Variants in VPS45 observed in about 807,000 individuals in gnomAD.
The protein encoded by VPS45 is vacuolar protein sorting 45 homolog, also known as vacuolar protein sorting-associated protein 45.
In VPS45, 35 loss-of-function variants were observed where a neutral mutation model predicts 75.9. The ratio of observed to expected loss-of-function variants is 0.46; its 90% CI spans 0.35 to 0.61. The LOEUF (loss-of-function observed/expected upper bound fraction) is 0.61, where lower values mean the gene tolerates loss of function less well. Ranked by LOEUF, VPS45 falls within the 20% of genes least tolerant of loss-of-function variation. The probability of loss-of-function intolerance (pLI) is 0.00; values close to 1 mark genes in which losing one functional copy is unlikely to be tolerated. For synonymous variants in VPS45, 220 were observed against 238.2 expected (o/e 0.92, Z 0.70); for missense variants, 559 against 685.9 (o/e 0.81, Z 2.07).
chr1:150,124,329 T>C (rs1553810219), intron 14 of VPS45, among the ~76,000 whole-genome samples: 2 of 151,896 alleles, frequency 1.3e-5, no homozygotes, highest in South Asian at 2.1e-4. Flanking sequence ...CGTGGTGGCG[T>C]GCACATGTAG....
At chr1:150,080,748 T>G (rs1655659720) in intron 7 of VPS45, among the ~76,000 whole-genome samples, 1 of 152,206 alleles carries the variant, frequency 6.6e-6, no homozygotes, top group African/African-American at 2.4e-5. Context: ...ACCAAATAAA[T>G]TCTCAATTTG....
chr1:150,075,967 T>C (rs1655350999), intron 3 of VPS45, among the ~76,000 whole-genome samples: 1 of 151,500 alleles, frequency 6.6e-6, no homozygotes, highest in African/African-American at 2.4e-5. Flanking sequence ...TTAGCCAGGA[T>C]GGTCTCGATC....
chr1:150,095,697 AAG>A (rs1204792029), intron 13 of VPS45, among the ~76,000 whole-genome samples: 1 of 152,084 alleles, frequency 6.6e-6, no homozygotes, highest in Non-Finnish European at 1.5e-5. Flanking sequence ...GTCTTGAAGA[AAG>A]AGAGAATTTG....
At chr1:150,144,012 T>C (rs782150181) in intron 14 of VPS45, among the ~76,000 whole-genome samples, 1 of 152,226 alleles carries the variant, frequency 6.6e-6, no homozygotes. Context: ...GGGCACATTA[T>C]GAAAGGCCTT....
intron 13 of VPS45, among the ~76,000 whole-genome samples, chr1:150,104,182 C>T (rs868984639): frequency 9.2e-5 from 14 of 152,250 alleles, no homozygotes; most frequent in Middle Eastern, 3.4e-3. Flanking sequence ...CTTCCTTCTT[C>T]CCCTCTTTTG....
At chr1:150,122,117 T>C (rs932189999) in intron 14 of VPS45, among the ~76,000 whole-genome samples, 1 of 152,024 alleles carries the variant, frequency 6.6e-6, no homozygotes, top group Admixed American at 6.6e-5. Context: ...GGTCAAGAGT[T>C]CAAGACTAGT....
At chr1:150,077,611 TATC>T in intron 6 of VPS45, 55 bp from the exon 7 acceptor site, 2 of 1,179,750 alleles carry the variant, frequency 1.7e-6, no homozygotes, top group Non-Finnish European at 2.5e-6. Flanking sequence ...TTCCTATTTA[TATC>T]ATTTCTATAT....
At chr1:150,094,811 C>A (rs1656530413) in intron 13 of VPS45, among the ~76,000 whole-genome samples, 1 of 152,060 alleles carries the variant, frequency 6.6e-6, no homozygotes, top group Non-Finnish European at 1.5e-5. Context: ...AATTACTGAA[C>A]AAGGAATTAT....
chr1:150,121,697 A>G (rs150637941), intron 14 of VPS45, among the ~76,000 whole-genome samples: 6 of 152,216 alleles, frequency 3.9e-5, no homozygotes, highest in African/African-American at 7.2e-5. Context: ...CAGGAGTTCT[A>G]GTTATGAGTT....
At chr1:150,081,502 T>A (rs1553799368) in intron 8 of VPS45, 26 bp downstream of exon 8, 1 of 1,586,824 alleles carries the variant, frequency 6.3e-7, no homozygotes, top group South Asian at 1.2e-5. Context: ...TTTTTTAAAT[T>A]GTCTTTAGTT....
At chr1:150,071,894 G>A (rs1408318163) in intron 2 of VPS45, among the ~76,000 whole-genome samples, 2 of 151,654 alleles carry the variant, frequency 1.3e-5, no homozygotes, top group Non-Finnish European at 2.9e-5. Flanking sequence ...TTCAACATCT[G>A]TGTCCTTTAT....
intron 14 of VPS45, among the ~76,000 whole-genome samples, chr1:150,133,650 C>T (rs1015576661): frequency 2.5e-4 from 38 of 152,194 alleles, no homozygotes; most frequent in Non-Finnish European, 2.4e-4. Context: ...TAATAGTGTT[C>T]ACCATGCTGC....
intron 3 of VPS45, among the ~76,000 whole-genome samples, chr1:150,073,095 A>T (rs932206440): frequency 2.0e-5 from 3 of 152,156 alleles, no homozygotes; most frequent in Non-Finnish European, 4.4e-5. Context: ...GTTTGTGTTT[A>T]CTATACAATT....
At position 150,129,552 on chromosome 1, in the gene VPS45, A is replaced by T. The variant is rs587595965; in HGVS notation, c.1626-15157A>T. On this transcript the variant is annotated intron_variant, in intron 14 of 14. Transcript: ENST00000644510. ...CTATGAATGTATACACATTTTTTTT[A>T]ATTTTATTTATTTATTTATTTATTT... Among the ~76,000 whole-genome samples the T allele has an allele frequency of 4.2e-4, 64 of 151,866 alleles. 1 individual carries two copies. In the South Asian group the frequency reaches 0.012, roughly 30 times the overall value.
intron 13 of VPS45, among the ~76,000 whole-genome samples, chr1:150,105,232 C>G (rs1657254943): frequency 6.6e-6 from 1 of 152,160 alleles, no homozygotes; most frequent in African/African-American, 2.4e-5. Flanking sequence ...AAGATGTCCA[C>G]TCTCACTGGT....
At position 150,076,974 on chromosome 1, in the gene VPS45, G is replaced by A; in HGVS notation, c.428G>A (p.Gly143Asp). The change falls in exon 5 of 15, where the codon GGT (glycine) becomes GAT (aspartate). Residue 143 changes from glycine (G) to aspartate (D), a missense_variant. Coordinates refer to ENST00000644510, the MANE Select transcript of VPS45 (RefSeq NM_007259.5). ...NPHLFSLNILGCCQGRNWDPA... is the reference protein window; with the variant it reads ...NPHLFSLNILDCCQGRNWDPA... The stretch of plus-strand genomic sequence containing the variant: ...CATTTGTTTTCCCTCAATATTTTGG[G>A]TTGCTGCCAGGTATGGAAGGAAAGG... 1.9e-6 allele frequency: 3 copies of A among 1,614,128 alleles called. No homozygotes were observed. The highest frequency in any genetic ancestry group is 2.5e-6 in the Non-Finnish European group (3 of 1,180,022).
intron 13 of VPS45, among the ~76,000 whole-genome samples, chr1:150,095,551 T>C (rs1379267360): frequency 6.6e-6 from 1 of 150,708 alleles, no homozygotes; most frequent in Non-Finnish European, 1.5e-5. Flanking sequence ...GAGGCGGAGG[T>C]TGCAGTGAGC....
At chr1:150,077,827 T>A (rs587645878) in intron 7 of VPS45, 48 bp downstream of exon 7, 1 of 1,403,234 alleles carries the variant, frequency 7.1e-7, no homozygotes, top group Non-Finnish European at 1.0e-6. Context: ...TTAAGTGATA[T>A]TCATCAAAAT....
At chr1:150,144,140 G>T (rs946933070) in intron 14 of VPS45, among the ~76,000 whole-genome samples, 1 of 151,482 alleles carries the variant, frequency 6.6e-6, no homozygotes, top group Non-Finnish European at 1.5e-5. Context: ...TTAGAGACAG[G>T]GTCTTGCTCT....
Sources: gnomAD v4.1 joint callset for allele counts (sites outside exome capture counted in the v4.1 genomes callset) on GRCh38, gnomAD v4.1.1 for gene constraint, MANE v1.5 for transcripts, NCBI Gene and HGNC (gene_info 2026-07-23, HGNC 2026-07-21) for gene names.